CHSY3: variants seen among roughly 807,000 people sequenced by gnomAD.
CHSY3 encodes the protein N-acetylgalactosaminyl-proteoglycan 3-beta-glucuronosyltransferase 3.
Under a neutral mutation model 67.2 loss-of-function variants are expected in CHSY3, and 35 were observed. The ratio of observed to expected loss-of-function variants is 0.52; its 90% CI spans 0.40 to 0.69. CHSY3 has a LOEUF of 0.69. CHSY3 is among the 30% of genes least tolerant of loss of function. The probability of loss-of-function intolerance (pLI) is 0.00; values close to 1 mark genes in which losing one functional copy is unlikely to be tolerated. For synonymous variants in CHSY3, 474 were observed against 434.7 expected, an observed-to-expected ratio of 1.09 and a Z score of -1.12; for missense variants, 1,069 against 1,138.5, an observed-to-expected ratio of 0.94 and a Z score of 0.88.
chr5:129,975,654 A>C (rs1258034513), intron 2 of CHSY3, among the ~76,000 whole-genome samples: 1 of 152,160 alleles, frequency 6.6e-6, no homozygotes, highest in Non-Finnish European at 1.5e-5. Flanking sequence ...AATTCTGTGA[A>C]TATTTGAATA....
intron 2 of CHSY3, among the ~76,000 whole-genome samples, chr5:130,163,154 T>C (rs1287716827): frequency 6.6e-6 from 1 of 152,154 alleles, no homozygotes; most frequent in Non-Finnish European, 1.5e-5. Context: ...CTAAGTTAGT[T>C]ATCATTCTTA....
intron 2 of CHSY3, among the ~76,000 whole-genome samples, chr5:130,013,733 G>A (rs898608872): frequency 6.6e-6 from 1 of 152,188 alleles, no homozygotes; most frequent in East Asian, 1.9e-4. Flanking sequence ...AGGCCTCCAG[G>A]CCTGCAATGG....
chr5:130,102,058 A>G (rs1258107762), intron 2 of CHSY3, among the ~76,000 whole-genome samples: 5 of 152,154 alleles, frequency 3.3e-5, no homozygotes, highest in Admixed American at 6.6e-5. Context: ...CTTTTGGAAG[A>G]TGTCAGTTGT....
chr5:129,905,786 C>G (rs1000758655), intron 1 of CHSY3, 155 bp downstream of exon 1: 1 of 1,406,804 alleles, frequency 7.1e-7, no homozygotes, highest in African/African-American at 1.5e-5. Flanking sequence ...CCCCTTGCAT[C>G]CGCCCACAAT....
intron 2 of CHSY3, among the ~76,000 whole-genome samples, chr5:129,928,403 C>T (rs184916520): frequency 1.4e-4 from 21 of 151,998 alleles, no homozygotes; most frequent in Non-Finnish European, 2.4e-4. Flanking sequence ...ATAATGCTGG[C>T]ATCATTTTGT....
Position 130,049,015 on chromosome 5 carries a change from A to G in CHSY3, c.1087-135214A>G, listed in dbSNP as rs562120761. 2.6e-5 allele frequency among the ~76,000 whole-genome samples: 4 copies of G among 152,176 alleles called. No individual in the cohort carries two copies. The South Asian group carries it at 6.2e-4, about 24-fold the overall frequency. On this transcript the variant is annotated intron_variant, in intron 2 of 2. Transcript: ENST00000305031. ...CACACACAGACACACACGCACACAC[A>G]CACAGAATTCTGATGGTGAGTAAAA...
chr5:130,003,063 G>C (rs1242347361), intron 2 of CHSY3, among the ~76,000 whole-genome samples: 1 of 152,104 alleles, frequency 6.6e-6, no homozygotes, highest in Non-Finnish European at 1.5e-5. Flanking sequence ...AAACTGATTT[G>C]TTCTAAGCTG....
At chr5:129,910,977 G>T in intron 2 of CHSY3, among the ~76,000 whole-genome samples, 1 of 129,828 alleles carries the variant, frequency 7.7e-6, no homozygotes, top group African/African-American at 2.7e-5. Context: ...ACAAATTTTA[G>T]GATTTTTTTT....
At position 129,922,898 on chromosome 5, in the gene CHSY3, A is replaced by C. The variant is rs116517990; in HGVS notation, c.1086+14538A>C. On this transcript the variant is annotated intron_variant, in intron 2 of 2. Transcript: ENST00000305031. ...CGTGCCCATGCATAGTATTGTTGAA[A>C]ATCTTTCTGGATGATTCTAATGAGC... is the stretch of plus-strand genomic sequence containing the variant. 4.6e-3 allele frequency among the ~76,000 whole-genome samples: 706 copies of C among 152,270 alleles called. 10 individuals carry two copies. The highest frequency in any genetic ancestry group is 0.016 in the African/African-American group (660 of 41,548).
chr5:130,101,021 T>G (rs1767226359), intron 2 of CHSY3, among the ~76,000 whole-genome samples: 1 of 152,200 alleles, frequency 6.6e-6, no homozygotes, highest in African/African-American at 2.4e-5. Flanking sequence ...TCTTTGCATC[T>G]AAATGTATTA....
At chr5:130,128,535 G>A (rs185198000) in intron 2 of CHSY3, among the ~76,000 whole-genome samples, 1 of 151,952 alleles carries the variant, frequency 6.6e-6, no homozygotes, top group Non-Finnish European at 1.5e-5. Flanking sequence ...ATGGGGAGAT[G>A]CTGGTCAAAC....
chr5:129,955,706 G>A (rs1482241457), intron 2 of CHSY3, among the ~76,000 whole-genome samples: 1 of 151,978 alleles, frequency 6.6e-6, no homozygotes, highest in Non-Finnish European at 1.5e-5. Flanking sequence ...TCACTCTCCA[G>A]GAGGCTCGAG....
At chr5:130,110,650 G>C (rs1767564652) in intron 2 of CHSY3, among the ~76,000 whole-genome samples, 1 of 151,782 alleles carries the variant, frequency 6.6e-6, no homozygotes, top group Non-Finnish European at 1.5e-5. Context: ...TTCTAACTTA[G>C]ATGAAAACTA....
intron 2 of CHSY3, among the ~76,000 whole-genome samples, chr5:130,077,623 T>G (rs1414002011): frequency 6.6e-6 from 1 of 152,112 alleles, no homozygotes; most frequent in Non-Finnish European, 1.5e-5. Flanking sequence ...ATGCATATAA[T>G]ATGTTGTATA....
intron 2 of CHSY3, among the ~76,000 whole-genome samples, chr5:129,926,251 C>T (rs1393588241): frequency 6.6e-6 from 1 of 151,960 alleles, no homozygotes; most frequent in African/African-American, 2.4e-5. Flanking sequence ...TGATTATTTA[C>T]ATGATATTAT....
At chr5:130,071,799 A>T (rs1252590322) in intron 2 of CHSY3, among the ~76,000 whole-genome samples, 1 of 152,042 alleles carries the variant, frequency 6.6e-6, no homozygotes, top group Non-Finnish European at 1.5e-5. Context: ...ATTATTTTTC[A>T]AAGTGACTGT....
At chr5:130,057,564 T>A (rs10052960) in intron 2 of CHSY3, among the ~76,000 whole-genome samples, 12,048 of 152,136 alleles carry the variant, frequency 0.079, 1,579 homozygotes, top group African/African-American at 0.27. Context: ...CTAGCACAGT[T>A]TATCTTACTG....
intron 2 of CHSY3, among the ~76,000 whole-genome samples, chr5:130,089,117 C>T (rs1473047611): frequency 6.7e-6 from 1 of 149,472 alleles, no homozygotes; most frequent in Non-Finnish European, 1.5e-5. Flanking sequence ...TAAACTATTG[C>T]AAGGACAAAA....
intron 2 of CHSY3, among the ~76,000 whole-genome samples, chr5:129,936,619 G>T (rs1205957457): frequency 6.6e-6 from 1 of 152,176 alleles, no homozygotes; most frequent in Non-Finnish European, 1.5e-5. Flanking sequence ...TCCCAGGCTA[G>T]ATTTCTGCAC....
Sources: allele counts gnomAD v4.1 joint callset (sites outside exome capture counted in the v4.1 genomes callset), GRCh38; gene constraint gnomAD v4.1.1; transcripts MANE v1.5; gene names NCBI Gene and HGNC (gene_info 2026-07-23, HGNC 2026-07-21).